The following DNAAF2 variants were observed in gnomAD, a reference collection of about 807,000 sequenced individuals.
DNAAF2 encodes the protein dynein axonemal assembly factor 2.
In DNAAF2, 58 loss-of-function variants were observed where a neutral mutation model predicts 48.8. The ratio of observed to expected loss-of-function variants is 1.19; its 90% CI spans 0.96 to 1.48. DNAAF2 has a LOEUF of 1.48. Among genes scored for constraint, DNAAF2 ranks in the 40% most tolerant of loss-of-function variants. The probability of loss-of-function intolerance (pLI) is 0.00; values close to 1 mark genes in which losing one functional copy is unlikely to be tolerated. For synonymous variants in DNAAF2, 567 were observed against 481.2 expected (o/e 1.18, Z -2.33); for missense variants, 1,241 against 1,116.1 (o/e 1.11, Z -1.59).
At chr14:49,630,703 A>C (rs1883131543) in intron 1 of DNAAF2, among the ~76,000 whole-genome samples, 2 of 97,124 alleles carry the variant, frequency 2.1e-5, no homozygotes, top group South Asian at 2.4e-4. Flanking sequence ...ACACACACAT[A>C]AACTCTCTAC....
rs2139584011 is a variant in DNAAF2, at chr14:49,634,810, C to T, written c.340G>A (p.Ala114Thr). 1 of 1,552,790 alleles carries T rather than the reference C, an allele frequency of 6.4e-7. No homozygotes were observed. The highest frequency in any genetic ancestry group is 8.7e-7 in the Non-Finnish European group (1 of 1,151,580). Residue 114 changes from alanine to threonine, a missense_variant, in exon 1 of 3, where the codon GCT (alanine) becomes ACT (threonine). Coordinates refer to ENST00000298292, the MANE Select transcript of DNAAF2 (RefSeq NM_018139.3). ...RPGSGGDRGA[A>T]PGSHWSLPYS... ...GGCAGGGACCAGTGGCTGCCAGGAG[C>T]TGCGCCCCGGTCGCCACCGGAGCCG...
intron 1 of DNAAF2, among the ~76,000 whole-genome samples, chr14:49,630,698 CACATAAACTCTCT>C (rs1253409096): frequency 7.3e-6 from 1 of 136,540 alleles, no homozygotes; most frequent in African/African-American, 2.8e-5. Flanking sequence ...CACACACACA[CACATAAACTCTCT>C]ACACACACAC....
chr14:49,634,143 T>C lies in DNAAF2; in HGVS notation c.1007A>G (p.Asn336Ser). ...VDDGRGKAQF[N>S]KARRQLVVTL... ...AACCACCAGCTGCCGCCGGGCCTTGTTGAATTGTGCCTTGCCGCGGCCATC... is the reference window on the plus strand; with the variant it reads ...AACCACCAGCTGCCGCCGGGCCTTGCTGAATTGTGCCTTGCCGCGGCCATC... Residue 336 changes from asparagine (N) to serine (S), a missense_variant, in exon 1 of 3, where the codon AAC (asparagine) becomes AGC (serine). Coordinates refer to ENST00000298292, the MANE Select transcript of DNAAF2 (RefSeq NM_018139.3). 1 of 1,580,938 alleles carries C rather than the reference T, an allele frequency of 6.3e-7. No individual in the cohort carries two copies. The highest frequency in any genetic ancestry group is 8.6e-7 in the Non-Finnish European group (1 of 1,165,078).
intron 1 of DNAAF2, among the ~76,000 whole-genome samples, chr14:49,632,819 TTAAAAGAGC>T (rs1289931208): frequency 2.0e-5 from 3 of 152,224 alleles, no homozygotes; most frequent in African/African-American, 7.2e-5. Flanking sequence ...CTTGTTTATG[TTAAAAGAGC>T]TAAAAAAATT....
At chr14:49,627,560 A>G (rs1214051792) in intron 2 of DNAAF2, among the ~76,000 whole-genome samples, 1 of 152,184 alleles carries the variant, frequency 6.6e-6, no homozygotes, top group African/African-American at 2.4e-5. Flanking sequence ...ATACACAGAC[A>G]AAAGGCTTTT....
At position 49,634,776 on chromosome 14, in the gene DNAAF2, A is replaced by C; in HGVS notation, c.374T>G (p.Leu125Arg). 2 of 1,585,862 alleles carry C rather than the reference A, an allele frequency of 1.3e-6. No homozygotes were observed. The highest frequency in any genetic ancestry group is 1.7e-6 in the Non-Finnish European group (2 of 1,170,152). ...CCCCGCGTACTCGCGGCCGGGCGCCAGGCTGTAGGGCAGGGACCAGTGGCT... is the reference window on the plus strand; with the variant it reads ...CCCCGCGTACTCGCGGCCGGGCGCCCGGCTGTAGGGCAGGGACCAGTGGCT... ...PGSHWSLPYS[L>R]APGREYAGRS... Residue 125 changes from leucine to arginine, a missense_variant, in exon 1 of 3, where the codon CTG (leucine) becomes CGG (arginine). Coordinates refer to ENST00000298292, the MANE Select transcript of DNAAF2 (RefSeq NM_018139.3).
In DNAAF2 at chr14:49,633,560, G is replaced by C. The variant is rs775386781; in HGVS notation, c.1590C>G (p.Asp530Glu). Residue 530 changes from aspartate to glutamate, a missense_variant, in exon 1 of 3, where the codon GAC becomes GAG. Transcript: ENST00000298292. ...GAATGAGCAGAGTCAAGGTTTCTTTGTCCTGATTACACAGTAACGGAGGAC... is the reference window on the plus strand; with the variant it reads ...GAATGAGCAGAGTCAAGGTTTCTTTCTCCTGATTACACAGTAACGGAGGAC... ...PLCPPLLCNQ[D>E]KETLTLLIQV... 3.1e-6 allele frequency: 5 copies of C among 1,613,890 alleles called. No individual in the cohort carries two copies. The highest frequency in any genetic ancestry group is 4.2e-6 in the Non-Finnish European group (5 of 1,179,894).
chr14:49,633,864 T>A lies in DNAAF2; in HGVS notation c.1286A>T (p.Glu429Val). The A allele has an allele frequency of 6.5e-7, 1 of 1,546,212 alleles. No homozygotes were observed. The highest frequency in any genetic ancestry group is 1.2e-5 in the South Asian group (1 of 85,168). The change falls in exon 1 of 3, where the codon GAG becomes GTG. Residue 429 changes from glutamate (E) to valine (V), a missense_variant. Coordinates refer to ENST00000298292, the MANE Select transcript of DNAAF2 (RefSeq NM_018139.3). ...CTCCCCCGGCTTGGGGACACGCTCC[T>A]CTCCAGCTGCGGCCGGCGGAGGCGC... The part of the protein sequence containing the change: ...EVAPPPAAAG[E>V]ERVPKPGEQD...
intron 1 of DNAAF2, among the ~76,000 whole-genome samples, chr14:49,631,984 T>G (rs1279060496): frequency 6.6e-6 from 1 of 152,236 alleles, no homozygotes; most frequent in Non-Finnish European, 1.5e-5. Flanking sequence ...TGATGATTAG[T>G]GAAGTAATTA....
chr14:49,626,724 G>A (rs532802085), intron 2 of DNAAF2, among the ~76,000 whole-genome samples: 33 of 147,588 alleles, frequency 2.2e-4, no homozygotes, highest in East Asian at 4.0e-4. Flanking sequence ...GTCTGGTGTC[G>A]AACTCCTGAC....
Position 49,633,523 on chromosome 14 carries a change from T to G in DNAAF2, c.1627A>C (p.Ile543Leu), listed in dbSNP as rs762244108. Residue 543 changes from isoleucine (I) to leucine (L), a missense_variant, in exon 1 of 3, where the codon ATC becomes CTC. By Grantham distance (5) the Ile-to-Leu change is conservative. Transcript: ENST00000298292. ...TLTLLIQVPR[I>L]QPQSLQGDLN... Reference sequence around the variant, plus strand: ...TCTCCTTGAAGACTTTGCGGCTGGATCCGAGGCACCTGAATGAGCAGAGTC... The same window carrying G: ...TCTCCTTGAAGACTTTGCGGCTGGAGCCGAGGCACCTGAATGAGCAGAGTC... The G allele has an allele frequency of 6.2e-7, 1 of 1,614,030 alleles. No homozygotes were observed. The highest frequency in any genetic ancestry group is 8.5e-7 in the Non-Finnish European group (1 of 1,179,888).
At position 49,634,616 on chromosome 14, in the gene DNAAF2, C is replaced by G; in HGVS notation, c.534G>C (p.Val178=). 6.2e-7 allele frequency: 1 copy of G among 1,606,946 alleles called. No individual in the cohort carries two copies. Among genetic ancestry groups the G allele is most frequent in the South Asian group, 1.1e-5 (1 of 91,090 alleles). The change falls in exon 1 of 3, where the codon GTG becomes GTC. Residue 178 remains valine, a synonymous_variant. Coordinates refer to ENST00000298292, the MANE Select transcript of DNAAF2 (RefSeq NM_018139.3). ...TCTTGGCATTCCTGCGGTCCAGCTTCACGCCGAACTGCTTCTCGACGGCCT... is the reference window on the plus strand; with the variant it reads ...TCTTGGCATTCCTGCGGTCCAGCTTGACGCCGAACTGCTTCTCGACGGCCT... ...ALEAVEKQFG[V]KLDRRNAKTL...
chr14:49,625,627 T>TG lies in DNAAF2; in HGVS notation c.2428dup (p.Gln810ProfsTer4). The TG allele has an allele frequency of 6.2e-7, 1 of 1,613,732 alleles. No homozygotes were observed. Among genetic ancestry groups the TG allele is most frequent in the Non-Finnish European group, 8.5e-7 (1 of 1,179,760 alleles). On this transcript the variant is annotated frameshift_variant, in exon 3 of 3. Coordinates refer to ENST00000298292, the MANE Select transcript of DNAAF2 (RefSeq NM_018139.3). LOFTEE classifies it high-confidence loss of function. ...TTTAATGACCTGCACACTACCATCC[T>TG]GCATATTGGTTTCTTTTATGCTGTC...
chr14:49,631,880 A>G (rs917610432), intron 1 of DNAAF2, among the ~76,000 whole-genome samples: 1 of 152,180 alleles, frequency 6.6e-6, no homozygotes, highest in African/African-American at 2.4e-5. Flanking sequence ...ACTACTCATG[A>G]TTTTTTTCCA....
rs1303167663 is a variant in DNAAF2, at chr14:49,633,202, G to A, written c.1863+85C>T. ...CCCAAAATGCTGGGATTACAGGCGT[G>A]AGCCACCGCGCCCGGCCGGTAATAG... On this transcript the variant is annotated intron_variant, in intron 1 of 2. Transcript: ENST00000298292. 10 of 1,515,098 alleles carry A rather than the reference G, an allele frequency of 6.6e-6. No homozygotes were observed. In the East Asian group the frequency reaches 2.0e-4, roughly 31 times the overall value. 93.9% of individuals were successfully genotyped at this position (1,515,098 alleles called of 1,614,324 possible).
Position 49,634,829 on chromosome 14 carries a change from G to A in DNAAF2, c.321C>T (p.Ser107=), listed in dbSNP as rs944251462. 2 of 1,546,198 alleles carry A rather than the reference G, an allele frequency of 1.3e-6. No individual in the cohort carries two copies. The highest frequency in any genetic ancestry group is 1.4e-5 in the African/African-American group (1 of 73,234). ...CAGGAGCTGCGCCCCGGTCGCCACC[G>A]GAGCCGGGCCGGCTGCTGGGCGCGC... The part of the protein sequence containing the change: ...LVGAPSSRPG[S]GGDRGAAPGS... Residue 107 remains serine (S), a synonymous_variant, in exon 1 of 3, where the codon TCC becomes TCT. Coordinates refer to ENST00000298292, the MANE Select transcript of DNAAF2 (RefSeq NM_018139.3).
In DNAAF2 at chr14:49,633,459, T is replaced by C; in HGVS notation, c.1691A>G (p.Gln564Arg). ...CAAAAAGAAGGAATAAACTAAGTCT[T>C]GTGCGGAGAAGCGTAATTTGTACCA... is the stretch of plus-strand genomic sequence containing the variant. ...PLWYKLRFSA[Q>R]DLVYSFFLQF... Residue 564 changes from glutamine to arginine, a missense_variant, in exon 1 of 3, where the codon CAA (glutamine) becomes CGA (arginine). By Grantham distance (43) the Gln-to-Arg change is conservative. Transcript: ENST00000298292. The C allele has an allele frequency of 6.2e-7, 1 of 1,614,092 alleles. No homozygotes were observed.
At position 49,633,366 on chromosome 14, in the gene DNAAF2, A is replaced by G; in HGVS notation, c.1784T>C (p.Val595Ala). 1 of 1,614,066 alleles carries G rather than the reference A, an allele frequency of 6.2e-7. No individual in the cohort carries two copies. Among genetic ancestry groups the G allele is most frequent in the Non-Finnish European group, 8.5e-7 (1 of 1,179,900 alleles). Residue 595 changes from valine (V) to alanine (A), a missense_variant, in exon 1 of 3, where the codon GTG (valine) becomes GCG (alanine). Transcript: ENST00000298292. ...CTCTGGAGATTTTGCCAGTTCTATCACTGCATTGTTTGAAGAAATGCTAAT... is the reference window on the plus strand; with the variant it reads ...CTCTGGAGATTTTGCCAGTTCTATCGCTGCATTGTTTGAAGAAATGCTAAT... ...PVISISSNNA[V>A]IELAKSPESH...
Position 49,634,188 on chromosome 14 carries a change from G to A in DNAAF2, c.962C>T (p.Ser321Leu). 6.2e-7 allele frequency: 1 copy of A among 1,610,612 alleles called. No homozygotes were observed. Among genetic ancestry groups the A allele is most frequent in the Non-Finnish European group, 8.5e-7 (1 of 1,179,126 alleles). ...SRKPDYRLRL[S>L]LPYPVDDGRG... Reference sequence around the variant, plus strand: ...GCCATCGTCCACTGGGTACGGGAGCGAGAGCCGCAGCCGGTAGTCAGGTTT... The same window carrying A: ...GCCATCGTCCACTGGGTACGGGAGCAAGAGCCGCAGCCGGTAGTCAGGTTT... Residue 321 changes from serine (S) to leucine (L), a missense_variant, in exon 1 of 3, where the codon TCG becomes TTG. Coordinates refer to ENST00000298292, the MANE Select transcript of DNAAF2 (RefSeq NM_018139.3).
Sources: allele counts gnomAD v4.1 joint callset (sites outside exome capture counted in the v4.1 genomes callset), GRCh38; gene constraint gnomAD v4.1.1; transcripts MANE v1.5; gene names NCBI Gene and HGNC (gene_info 2026-07-23, HGNC 2026-07-21).